SLC30A8: variants seen among roughly 807,000 people sequenced by gnomAD.
SLC30A8 encodes solute carrier family 30 member 8.
Under a neutral mutation model 36.9 loss-of-function variants are expected in SLC30A8, and 27 were observed. The observed-to-expected ratio is 0.73, with a 90% CI of 0.54 to 1.01. SLC30A8 has a LOEUF of 1.01. Ranked by LOEUF, SLC30A8 falls within the 50% of genes least tolerant of loss-of-function variation. The probability of loss-of-function intolerance (pLI) is 0.00; values close to 1 mark genes in which losing one functional copy is unlikely to be tolerated. For synonymous variants in SLC30A8, 164 were observed against 172.4 expected (o/e 0.95, Z 0.38); for missense variants, 439 against 452.0 (o/e 0.97, Z 0.26).
chr8:117,119,144 A>G (rs1820578585), intron 2 of SLC30A8, among the ~76,000 whole-genome samples: 1 of 151,934 alleles, frequency 6.6e-6, no homozygotes, highest in Non-Finnish European at 1.5e-5. Flanking sequence ...GATAGGCTCT[A>G]CTAGTAGGCT....
chr8:117,107,134 A>T (rs1237824381), intron 2 of SLC30A8, among the ~76,000 whole-genome samples: 1 of 152,142 alleles, frequency 6.6e-6, no homozygotes. Flanking sequence ...GTTCATTTGC[A>T]CTGTGTAAAA....
intron 2 of SLC30A8, among the ~76,000 whole-genome samples, chr8:117,070,348 G>A (rs1373000506): frequency 6.6e-6 from 1 of 152,132 alleles, no homozygotes; most frequent in Non-Finnish European, 1.5e-5. Context: ...TTGGCCGTTG[G>A]TGCTGACCAC....
intron 1 of SLC30A8, among the ~76,000 whole-genome samples, chr8:117,024,639 A>G (rs768743835): frequency 3.9e-5 from 6 of 152,212 alleles, no homozygotes; most frequent in Non-Finnish European, 8.8e-5. Flanking sequence ...GCATATACCA[A>G]TAGTTTTGAA....
chr8:117,111,669 C>T (rs868294118), intron 2 of SLC30A8, among the ~76,000 whole-genome samples: 7 of 152,130 alleles, frequency 4.6e-5, no homozygotes, highest in South Asian at 4.2e-4. Flanking sequence ...TTTCCACTGG[C>T]GCTGCAAAGC....
chr8:116,952,570 G>A (rs1814032757), intron 1 of SLC30A8, among the ~76,000 whole-genome samples: 1 of 151,878 alleles, frequency 6.6e-6, no homozygotes, highest in Admixed American at 6.6e-5. Flanking sequence ...TCAGCCTCCC[G>A]AGTAGCTGGG....
chr8:117,045,233 G>A (rs1185174116), intron 2 of SLC30A8, among the ~76,000 whole-genome samples: 1 of 152,120 alleles, frequency 6.6e-6, no homozygotes, highest in Admixed American at 6.5e-5. Flanking sequence ...TCTAGTGGAG[G>A]AACCTTTTAC....
At chr8:117,064,839 G>A (rs4876698) in intron 2 of SLC30A8, among the ~76,000 whole-genome samples, 38,006 of 152,088 alleles carry the variant, frequency 0.25, 5,711 homozygotes, top group African/African-American at 0.43. Context: ...ATGTGAGGGC[G>A]GGAAATTTAT....
chr8:117,152,826 C>G, intron 2 of SLC30A8, 118 bp from the exon 3 acceptor site: 1 of 765,906 alleles, frequency 1.3e-6, no homozygotes, highest in Non-Finnish European at 2.0e-6. Context: ...ACTTTAAGAT[C>G]TCTTTTTCCT....
chr8:117,093,963 GGC>G (rs1208685922), intron 2 of SLC30A8, among the ~76,000 whole-genome samples: 3 of 152,254 alleles, frequency 2.0e-5, no homozygotes, highest in African/African-American at 7.2e-5. Flanking sequence ...GACCAGCACT[GGC>G]GCTGGCTCCC....
intron 2 of SLC30A8, among the ~76,000 whole-genome samples, chr8:117,107,569 C>T (rs1260943729): frequency 6.6e-6 from 1 of 152,162 alleles, no homozygotes; most frequent in African/African-American, 2.4e-5. Context: ...GATACTATCT[C>T]TTGGTGCAGA....
chr8:117,093,776 T>G (rs1009023871), intron 2 of SLC30A8, among the ~76,000 whole-genome samples: 1 of 152,174 alleles, frequency 6.6e-6, no homozygotes, highest in African/African-American at 2.4e-5. Context: ...CCCTCTGGAC[T>G]CATTCTGCCA....
chr8:117,096,456 C>T (rs1819367530), intron 2 of SLC30A8, among the ~76,000 whole-genome samples: 1 of 152,024 alleles, frequency 6.6e-6, no homozygotes, highest in African/African-American at 2.4e-5. Context: ...TCTATGTGGG[C>T]TTGAAGAAAG....
chr8:117,097,296 G>A (rs1290589567), intron 2 of SLC30A8, among the ~76,000 whole-genome samples: 2 of 145,962 alleles, frequency 1.4e-5, no homozygotes, highest in East Asian at 2.0e-4. Flanking sequence ...CTACTCGGGA[G>A]GCTGAGGAAG....
chr8:116,984,407 G>A (rs1419658942), intron 1 of SLC30A8, among the ~76,000 whole-genome samples: 1 of 152,094 alleles, frequency 6.6e-6, no homozygotes, highest in East Asian at 1.9e-4. Context: ...GGATGGCAGT[G>A]TCATTTCCAT....
At chr8:117,069,440 A>G (rs975478946) in intron 2 of SLC30A8, among the ~76,000 whole-genome samples, 1 of 152,308 alleles carries the variant, frequency 6.6e-6, no homozygotes, top group African/African-American at 2.4e-5. Context: ...GATGAGTTTT[A>G]TATTATAATT....
intron 2 of SLC30A8, among the ~76,000 whole-genome samples, chr8:117,151,231 C>T (rs2130980081): frequency 6.6e-6 from 1 of 152,328 alleles, no homozygotes; most frequent in Non-Finnish European, 1.5e-5. Flanking sequence ...GGGCAGCTCT[C>T]TGATCCCTTA....
intron 1 of SLC30A8, among the ~76,000 whole-genome samples, chr8:116,966,334 G>C (rs1027029344): frequency 6.6e-6 from 1 of 152,108 alleles, no homozygotes; most frequent in African/African-American, 2.4e-5. Flanking sequence ...TCAATGGCTA[G>C]TTACTTGGCA....
Position 117,171,147 on chromosome 8 carries a change from C to G in SLC30A8, c.943C>G (p.Leu315Val). Residue 315 changes from leucine (L) to valine (V), a missense_variant, in exon 7 of 8, where the codon CTC becomes GTC. By Grantham distance (32) the Leu-to-Val change is conservative (BLOSUM62 1). Coordinates refer to ENST00000456015, the MANE Select transcript of SLC30A8 (RefSeq NM_173851.3). ...IWSLTMNQVILSAHVATAASR... is the reference protein window; with the variant it reads ...IWSLTMNQVIVSAHVATAASR... ...GTCTCTAACAATGAATCAAGTAATT[C>G]TCTCAGCTCATGTTGCTACAGGTCA... 1 of 1,613,514 alleles carries G rather than the reference C, an allele frequency of 6.2e-7. No individual in the cohort carries two copies. The highest frequency in any genetic ancestry group is 8.5e-7 in the Non-Finnish European group (1 of 1,179,612).
intron 1 of SLC30A8, among the ~76,000 whole-genome samples, chr8:117,019,409 C>G (rs796171472): frequency 1.3e-5 from 2 of 152,306 alleles, no homozygotes; most frequent in African/African-American, 4.8e-5. Flanking sequence ...TATCATTTCC[C>G]CTGCCTCAAA....
Sources: gnomAD v4.1 joint callset for allele counts (sites outside exome capture counted in the v4.1 genomes callset) on GRCh38, gnomAD v4.1.1 for gene constraint, MANE v1.5 for transcripts, NCBI Gene and HGNC (gene_info 2026-07-23, HGNC 2026-07-21) for gene names.